The following MGAT4C variants were observed in gnomAD, a reference collection of about 807,000 sequenced individuals.
MGAT4C encodes alpha-1,3-mannosyl-glycoprotein 4-beta-N-acetylglucosaminyltransferase C.
MGAT4C carries 19 observed loss-of-function variants against 40.1 expected under a neutral mutation model. The observed-to-expected ratio is 0.47, with a 90% CI of 0.33 to 0.70. The LOEUF is 0.70. Ranked by LOEUF, MGAT4C falls within the 30% of genes least tolerant of loss-of-function variation. The pLI is 0.02. For missense variants in MGAT4C, 491 were observed against 563.2 expected, an observed-to-expected ratio of 0.87 and a Z score of 1.30; for synonymous variants, 181 against 187.1, an observed-to-expected ratio of 0.97 and a Z score of 0.27.
chr12:86,239,717 T>C (rs1052819390), intron 1 of MGAT4C, among the ~76,000 whole-genome samples: 1 of 152,046 alleles, frequency 6.6e-6, no homozygotes, highest in Non-Finnish European at 1.5e-5. Flanking sequence ...ACAAAGGTTT[T>C]ATAATTCTTT....
chr12:86,058,249 C>T (rs1893593358), intron 1 of MGAT4C, among the ~76,000 whole-genome samples: 1 of 151,850 alleles, frequency 6.6e-6, no homozygotes, highest in African/African-American at 2.4e-5. Flanking sequence ...ATTAAAAAGC[C>T]CCACCAGAAA....
chr12:86,465,356 T>C (rs2136299023), intron 2 of MGAT4C, among the ~76,000 whole-genome samples: 1 of 152,136 alleles, frequency 6.6e-6, no homozygotes, highest in Non-Finnish European at 1.5e-5. Flanking sequence ...GAATAATCTA[T>C]GAAAGAAAGA....
chr12:86,750,086 A>G (rs1026827009), intron 1 of MGAT4C, among the ~76,000 whole-genome samples: 1 of 151,866 alleles, frequency 6.6e-6, no homozygotes, highest in Non-Finnish European at 1.5e-5. Flanking sequence ...AATTTAGACA[A>G]ATGGGAAGAT....
At chr12:86,291,033 T>C (rs568947209) in intron 4 of MGAT4C, among the ~76,000 whole-genome samples, 12 of 152,288 alleles carry the variant, frequency 7.9e-5, no homozygotes, top group African/African-American at 2.9e-4. Flanking sequence ...GTGTATCATA[T>C]TTGTGCCAAA....
intron 2 of MGAT4C, among the ~76,000 whole-genome samples, chr12:86,601,516 C>T (rs1185209124): frequency 1.3e-5 from 2 of 152,074 alleles, no homozygotes; most frequent in East Asian, 1.9e-4. Flanking sequence ...CCTTTGAGAG[C>T]TGTATGGTCA....
chr12:86,073,465 G>C (rs979261331), intron 1 of MGAT4C, among the ~76,000 whole-genome samples: 2 of 152,158 alleles, frequency 1.3e-5, no homozygotes, highest in Non-Finnish European at 2.9e-5. Flanking sequence ...AGTTTGGAGA[G>C]CCCAGAAGAA....
At chr12:86,158,975 C>T (rs1020305761) in intron 1 of MGAT4C, among the ~76,000 whole-genome samples, 2 of 152,138 alleles carry the variant, frequency 1.3e-5, no homozygotes, top group South Asian at 2.1e-4. Flanking sequence ...ATCATATCCT[C>T]AGCAAAGAGA....
intron 1 of MGAT4C, among the ~76,000 whole-genome samples, chr12:86,167,090 A>C (rs1356731286): frequency 6.6e-6 from 1 of 152,182 alleles, no homozygotes; most frequent in Non-Finnish European, 1.5e-5. Flanking sequence ...TGAAGTGCTT[A>C]AAGTGACACT....
chr12:86,646,088 A>G (rs1327068172), intron 2 of MGAT4C, among the ~76,000 whole-genome samples: 5 of 151,858 alleles, frequency 3.3e-5, no homozygotes, highest in African/African-American at 1.2e-4. Flanking sequence ...GCATATTTCT[A>G]AGATTTGTCT....
intron 2 of MGAT4C, among the ~76,000 whole-genome samples, chr12:86,542,527 A>G (rs1466171036): frequency 6.6e-6 from 1 of 152,042 alleles, no homozygotes; most frequent in Non-Finnish European, 1.5e-5. Context: ...AATTTTTCCT[A>G]CTTCTTTCAT....
chr12:86,091,325 T>C (rs1872841614), intron 1 of MGAT4C, among the ~76,000 whole-genome samples: 1 of 152,056 alleles, frequency 6.6e-6, no homozygotes. Context: ...ATGAATATTG[T>C]GATGGGCTGT....
At chr12:86,366,874 T>A (rs1428203706) in intron 3 of MGAT4C, among the ~76,000 whole-genome samples, 1 of 152,118 alleles carries the variant, frequency 6.6e-6, no homozygotes, top group Non-Finnish European at 1.5e-5. Context: ...TAGATGCAGA[T>A]AAAGTATTTG....
intron 1 of MGAT4C, among the ~76,000 whole-genome samples, chr12:86,743,096 GTGTA>G (rs1217802760): frequency 1.6e-4 from 21 of 132,344 alleles, no homozygotes; most frequent in South Asian, 9.9e-4. Flanking sequence ...GTGTATGTGT[GTGTA>G]TGTATGTGTG....
intron 1 of MGAT4C, among the ~76,000 whole-genome samples, chr12:86,740,959 CATA>C (rs1160611586): frequency 2.0e-5 from 3 of 150,750 alleles, no homozygotes; most frequent in Non-Finnish European, 4.5e-5. Context: ...AGGTAGTGAG[CATA>C]ATATCTAATA....
At chr12:86,394,500 T>TAATAC (rs1018294438) in intron 3 of MGAT4C, among the ~76,000 whole-genome samples, 1 of 145,936 alleles carries the variant, frequency 6.9e-6, no homozygotes, top group African/African-American at 2.5e-5. Context: ...TTTATATATA[T>TAATAC]ATTTTTTAAA....
At chr12:86,289,044 GGT>G (rs1491238595) in intron 4 of MGAT4C, among the ~76,000 whole-genome samples, 1 of 151,954 alleles carries the variant, frequency 6.6e-6, no homozygotes, top group African/African-American at 2.4e-5. Context: ...TATAGTTTTG[GGT>G]TTTGTATTGA....
intron 3 of MGAT4C, among the ~76,000 whole-genome samples, chr12:86,428,026 A>G (rs1187327357): frequency 6.6e-6 from 1 of 151,590 alleles, no homozygotes; most frequent in Non-Finnish European, 1.5e-5. Context: ...TTTCAAAAAC[A>G]ACAGCAACAA....
intron 1 of MGAT4C, among the ~76,000 whole-genome samples, chr12:86,076,980 C>A (rs1327965081): frequency 2.0e-5 from 3 of 152,130 alleles, no homozygotes; most frequent in Non-Finnish European, 4.4e-5. Context: ...GGCTGGGAGG[C>A]TAGGCCAGTC....
intron 2 of MGAT4C, among the ~76,000 whole-genome samples, chr12:86,700,508 C>T (rs1288244133): frequency 6.6e-6 from 1 of 152,022 alleles, no homozygotes; most frequent in African/African-American, 2.4e-5. Flanking sequence ...CCTAATAACT[C>T]TCAAAGGAAA....
Sources: gnomAD v4.1 joint callset for allele counts (sites outside exome capture counted in the v4.1 genomes callset) on GRCh38, gnomAD v4.1.1 for gene constraint, MANE v1.5 for transcripts, NCBI Gene and HGNC (gene_info 2026-07-23, HGNC 2026-07-21) for gene names.